CNTNAP2: variants seen among roughly 807,000 people sequenced by gnomAD.
The protein encoded by CNTNAP2 is contactin-associated protein-like 2.
CNTNAP2 carries 98 observed loss-of-function variants against 155.2 expected under a neutral mutation model. That is an observed-to-expected ratio of 0.63 (90% CI 0.54 to 0.75). The LOEUF is 0.75. Among genes scored for constraint, CNTNAP2 ranks in the 30% least tolerant of loss-of-function variants. The pLI, the probability that CNTNAP2 is intolerant of heterozygous loss-of-function variation, is 0.00. For missense variants in CNTNAP2, 1,727 were observed against 1,688.1 expected, an observed-to-expected ratio of 1.02 and a Z score of -0.40; for synonymous variants, 651 against 631.2, an observed-to-expected ratio of 1.03 and a Z score of -0.47.
At chr7:148,081,406 G>C (rs1369154367) in intron 15 of CNTNAP2, among the ~76,000 whole-genome samples, 10 of 151,918 alleles carry the variant, frequency 6.6e-5, no homozygotes, top group Admixed American at 6.6e-4. Context: ...CCTTAATCTG[G>C]GTGGGCACCA....
At chr7:147,526,945 G>C (rs1250580845) in intron 11 of CNTNAP2, among the ~76,000 whole-genome samples, 1 of 147,530 alleles carries the variant, frequency 6.8e-6, no homozygotes. Context: ...TTAACTATTA[G>C]AACAGGTTAA....
intron 8 of CNTNAP2, among the ~76,000 whole-genome samples, chr7:147,273,464 T>G (rs1251923196): frequency 6.6e-6 from 1 of 151,972 alleles, no homozygotes; most frequent in Admixed American, 6.6e-5. Flanking sequence ...ATCACCCGAA[T>G]AGTGATCATT....
At chr7:147,990,214 T>C (rs531500128) in intron 15 of CNTNAP2, among the ~76,000 whole-genome samples, 3 of 152,270 alleles carry the variant, frequency 2.0e-5, no homozygotes, top group African/African-American at 7.2e-5. Context: ...GGGGGAAGCT[T>C]CAGAGACAAG....
chr7:148,362,392 CTG>C (rs1296354182), intron 21 of CNTNAP2, among the ~76,000 whole-genome samples: 1 of 152,154 alleles, frequency 6.6e-6, no homozygotes, highest in East Asian at 1.9e-4. Context: ...TCTGCAAAAA[CTG>C]TCTTTCCATA....
chr7:147,334,709 T>G (rs567486950), intron 9 of CNTNAP2, among the ~76,000 whole-genome samples: 2 of 152,128 alleles, frequency 1.3e-5, no homozygotes, highest in Non-Finnish European at 2.9e-5. Flanking sequence ...CTCTGCAGTG[T>G]GACTCCCTTA....
intron 9 of CNTNAP2, among the ~76,000 whole-genome samples, chr7:147,310,951 G>T (rs958580322): frequency 6.6e-6 from 1 of 152,118 alleles, no homozygotes; most frequent in African/African-American, 2.4e-5. Context: ...GGAGTATAGG[G>T]GTTTCTAACC....
At chr7:146,831,218 T>A (rs1020320809) in intron 2 of CNTNAP2, among the ~76,000 whole-genome samples, 80 of 152,228 alleles carry the variant, frequency 5.3e-4, no homozygotes, top group African/African-American at 1.9e-3. Context: ...TTTTCCCAGA[T>A]GTACCAACTT....
chr7:148,336,015 T>C (rs1157247026), intron 21 of CNTNAP2, among the ~76,000 whole-genome samples: 6 of 152,214 alleles, frequency 3.9e-5, no homozygotes, highest in Non-Finnish European at 7.3e-5. Flanking sequence ...TATGTCTGTC[T>C]TCCTGCCCCA....
intron 13 of CNTNAP2, among the ~76,000 whole-genome samples, chr7:147,850,322 G>A (rs562872732): frequency 2.5e-4 from 38 of 152,234 alleles, no homozygotes; most frequent in Non-Finnish European, 4.0e-4. Context: ...AATCAATATC[G>A]TGAAAATGGC....
intron 10 of CNTNAP2, among the ~76,000 whole-genome samples, chr7:147,417,089 C>CA (rs3050513): frequency 0.014 from 1,708 of 126,264 alleles, 19 homozygotes; most frequent in Middle Eastern, 0.021. Context: ...ACTCTGGTCT[C>CA]AAAAAAAAAA....
At chr7:146,285,978 C>CTGTGTGTGTG (rs540809295) in intron 1 of CNTNAP2, among the ~76,000 whole-genome samples, 5 of 33,710 alleles carry the variant, frequency 1.5e-4, no homozygotes, top group African/African-American at 1.4e-3. Flanking sequence ...CCTTCCTTCT[C>CTGTGTGTGTG]TGTGTGTGTG....
At chr7:147,452,299 G>C (rs940831270) in intron 10 of CNTNAP2, among the ~76,000 whole-genome samples, 11 of 152,148 alleles carry the variant, frequency 7.2e-5, no homozygotes, top group Admixed American at 2.0e-4. Context: ...TTGCATCTTA[G>C]AGAAATCATT....
At chr7:148,334,764 G>A (rs6950395) in intron 21 of CNTNAP2, among the ~76,000 whole-genome samples, 78,212 of 152,124 alleles carry the variant, frequency 0.51, 20,336 homozygotes, top group East Asian at 0.66. Context: ...TTGTACCAGA[G>A]GGGAGGGCTG....
chr7:148,416,215 C>CCTGA lies in CNTNAP2; in HGVS notation c.*604_*607dup, dbSNP rs3058181. The CCTGA allele has an allele frequency of 0.081, 12,402 of 153,738 alleles. 1,298 individuals carry two copies. Among genetic ancestry groups the CCTGA allele is most frequent in the African/African-American group, 0.24 (10,105 of 41,442 alleles). The allele number at this position is 153,738 out of a possible 1,614,324, so 9.5% of individuals were successfully genotyped here. A position where few individuals can be genotyped will look rare whatever the true frequency, so the allele number is the denominator to read the frequency against. On this transcript the variant is annotated 3_prime_UTR_variant, in exon 24 of 24. Transcript: ENST00000361727. Reference sequence around the variant, plus strand: ...TGCCAGCTCTCTGGCATCTGGGGTTCCTGACTGATACCAGCAGTTGAAGGA... The same window carrying CCTGA: ...TGCCAGCTCTCTGGCATCTGGGGTTCCTGACTGACTGATACCAGCAGTTGAAGGA...
chr7:147,021,345 C>G (rs1391775182), intron 3 of CNTNAP2, among the ~76,000 whole-genome samples: 1 of 152,196 alleles, frequency 6.6e-6, no homozygotes, highest in African/African-American at 2.4e-5. Flanking sequence ...ATCCCACATA[C>G]TCCCTTGTTT....
At chr7:146,544,193 A>C (rs1797995142) in intron 1 of CNTNAP2, among the ~76,000 whole-genome samples, 1 of 152,014 alleles carries the variant, frequency 6.6e-6, no homozygotes, top group African/African-American at 2.4e-5. Context: ...TTTCTTCTGT[A>C]ATCACTGGAA....
rs151337440 is a variant in CNTNAP2, at chr7:147,170,049, T to G, written c.1348+37540T>G. Among the ~76,000 whole-genome samples the G allele has an allele frequency of 5.0e-3, 761 of 152,186 alleles. 12 individuals carry two copies. The highest frequency in any genetic ancestry group is 0.017 in the African/African-American group (700 of 41,510). On this transcript the variant is annotated intron_variant, in intron 8 of 23. Transcript: ENST00000361727. The stretch of plus-strand genomic sequence containing the variant: ...TCTTGAATTTCCAGAGTTCCTGTGC[T>G]GATTCTTTCTCATCTTGGTGGGTCT...
At chr7:148,072,323 A>G (rs1049963681) in intron 15 of CNTNAP2, among the ~76,000 whole-genome samples, 3 of 152,170 alleles carry the variant, frequency 2.0e-5, no homozygotes, top group African/African-American at 7.2e-5. Flanking sequence ...AAAGGACCAG[A>G]TAGTATTTCA....
intron 14 of CNTNAP2, among the ~76,000 whole-genome samples, chr7:147,904,821 A>C (rs148557381): frequency 0.011 from 1,720 of 152,248 alleles, 34 homozygotes; most frequent in African/African-American, 0.039. Context: ...GTAAATAGCT[A>C]TCATTAATCT....
Sources: gnomAD v4.1 joint callset for allele counts (sites outside exome capture counted in the v4.1 genomes callset) on GRCh38, gnomAD v4.1.1 for gene constraint, MANE v1.5 for transcripts, NCBI Gene and HGNC (gene_info 2026-07-23, HGNC 2026-07-21) for gene names.